SMYD3: variants seen among roughly 807,000 people sequenced by gnomAD.
SMYD3 encodes histone-lysine N-methyltransferase SMYD3.
In SMYD3, 36 loss-of-function variants were observed where a neutral mutation model predicts 57.7. The ratio of observed to expected loss-of-function variants is 0.62; its 90% confidence interval spans 0.48 to 0.82. The LOEUF is 0.82. SMYD3 is among the 40% of genes least tolerant of loss of function. The pLI, the probability that SMYD3 is intolerant of heterozygous loss-of-function variation, is 0.00. For missense variants in SMYD3, 515 were observed against 538.8 expected (o/e 0.96, Z 0.44); for synonymous variants, 211 against 195.0 (o/e 1.08, Z -0.68).
At chr1:246,263,479 T>C (rs2064049065) in intron 5 of SMYD3, among the ~76,000 whole-genome samples, 1 of 152,204 alleles carries the variant, frequency 6.6e-6, no homozygotes, top group Non-Finnish European at 1.5e-5. Flanking sequence ...AATGATCACC[T>C]TCTTTTTACT....
At chr1:246,021,087 C>T (rs2059463329) in intron 5 of SMYD3, among the ~76,000 whole-genome samples, 1 of 152,234 alleles carries the variant, frequency 6.6e-6, no homozygotes, top group South Asian at 2.1e-4. Flanking sequence ...AACGCCAATA[C>T]CAGAAACATG....
chr1:245,824,563 T>C (rs541942562), intron 10 of SMYD3, among the ~76,000 whole-genome samples: 12 of 150,096 alleles, frequency 8.0e-5, no homozygotes, highest in African/African-American at 2.7e-4. Context: ...ACTAAAAATA[T>C]AAAAATTAGC....
chr1:246,304,019 A>T (rs1234920075), intron 5 of SMYD3, among the ~76,000 whole-genome samples: 1 of 152,236 alleles, frequency 6.6e-6, no homozygotes, highest in Non-Finnish European at 1.5e-5. Context: ...TAAGTTCAGG[A>T]TATTCAATGA....
intron 1 of SMYD3, among the ~76,000 whole-genome samples, chr1:246,401,146 T>C (rs901015439): frequency 1.3e-5 from 2 of 152,152 alleles, no homozygotes; most frequent in African/African-American, 4.8e-5. Context: ...TAAAATAAAA[T>C]TTCTAGGTAA....
At chr1:246,396,691 C>A (rs1278896508) in intron 1 of SMYD3, among the ~76,000 whole-genome samples, 1 of 152,152 alleles carries the variant, frequency 6.6e-6, no homozygotes, top group Non-Finnish European at 1.5e-5. Context: ...GGGGCACATT[C>A]CCCCTTGCTG....
intron 8 of SMYD3, among the ~76,000 whole-genome samples, chr1:245,892,470 CA>C (rs1273051946): frequency 1.3e-5 from 2 of 152,338 alleles, no homozygotes; most frequent in African/African-American, 4.8e-5. Context: ...GGTTGGTCAA[CA>C]GCAGAAACCA....
chr1:245,988,902 A>T (rs888522495), intron 5 of SMYD3, among the ~76,000 whole-genome samples: 1 of 152,280 alleles, frequency 6.6e-6, no homozygotes, highest in Non-Finnish European at 1.5e-5. Context: ...CTCAGCAGCC[A>T]TTCTGCTACC....
intron 5 of SMYD3, among the ~76,000 whole-genome samples, chr1:246,258,962 G>C (rs2148516584): frequency 6.6e-6 from 1 of 152,252 alleles, no homozygotes; most frequent in South Asian, 2.1e-4. Context: ...TCAAAAGACT[G>C]ATCTTCAAGT....
Position 245,886,318 on chromosome 1 carries a change from T to C in SMYD3, c.814-22432A>G, listed in dbSNP as rs965468953. 3.3e-5 allele frequency among the ~76,000 whole-genome samples: 5 copies of C among 152,050 alleles called. 1 individual carries two copies. Among genetic ancestry groups the C allele is most frequent in the South Asian group, 2.1e-4 (1 of 4,784 alleles). ...AAGAGAAAGAGAAAGCCCACATCTC[T>C]CCTTACTTATTAGAGTTCTCGGGGT... On this transcript the variant is annotated intron_variant, in intron 8 of 11. Transcript: ENST00000490107.
At chr1:246,220,806 C>T (rs2063241889) in intron 5 of SMYD3, among the ~76,000 whole-genome samples, 1 of 152,156 alleles carries the variant, frequency 6.6e-6, no homozygotes, top group South Asian at 2.1e-4. Context: ...GTGCAAACTT[C>T]CTCCCCTCTG....
At chr1:246,315,295 T>A (rs538603428) in intron 5 of SMYD3, among the ~76,000 whole-genome samples, 1 of 152,282 alleles carries the variant, frequency 6.6e-6, no homozygotes, top group South Asian at 2.1e-4. Context: ...TAGGGGATAG[T>A]CACAGTTGTC....
chr1:246,287,766 G>T (rs766983515), intron 5 of SMYD3, among the ~76,000 whole-genome samples: 2 of 152,168 alleles, frequency 1.3e-5, no homozygotes, highest in African/African-American at 2.4e-5. Context: ...AAGACTCAGT[G>T]TTCAATTATG....
intron 5 of SMYD3, among the ~76,000 whole-genome samples, chr1:246,220,996 G>C (rs1213020314): frequency 6.6e-6 from 1 of 151,792 alleles, no homozygotes; most frequent in Non-Finnish European, 1.5e-5. Context: ...ACAGACAGAT[G>C]ATGGGACGAC....
chr1:246,200,625 G>A (rs987681881), intron 5 of SMYD3, among the ~76,000 whole-genome samples: 1 of 141,632 alleles, frequency 7.1e-6, no homozygotes, highest in Non-Finnish European at 1.5e-5. Flanking sequence ...AGAAGATAGA[G>A]GAGAACAGCG....
chr1:246,318,854 CCAA>C (rs2065205052), intron 5 of SMYD3, among the ~76,000 whole-genome samples: 1 of 152,180 alleles, frequency 6.6e-6, no homozygotes, highest in Admixed American at 6.5e-5. Context: ...ATTATCCTTC[CCAA>C]CTTCAGAAGT....
intron 10 of SMYD3, among the ~76,000 whole-genome samples, chr1:245,836,096 C>T (rs1000159200): frequency 3.3e-5 from 5 of 152,120 alleles, no homozygotes; most frequent in East Asian, 3.9e-4. Context: ...TCTCCAAGAT[C>T]GAAAAATATC....
At chr1:246,324,393 C>T (rs2065303461) in intron 5 of SMYD3, among the ~76,000 whole-genome samples, 1 of 124,710 alleles carries the variant, frequency 8.0e-6, no homozygotes, top group Non-Finnish European at 1.6e-5. Flanking sequence ...CTAGCCTGGG[C>T]GACAAGAGCG....
intron 8 of SMYD3, among the ~76,000 whole-genome samples, chr1:245,897,347 A>G (rs1426465113): frequency 6.6e-6 from 1 of 152,188 alleles, no homozygotes; most frequent in Non-Finnish European, 1.5e-5. Flanking sequence ...AAGGGGTACC[A>G]TTGTTTTCAA....
chr1:246,240,377 G>A (rs1337508666), intron 5 of SMYD3, among the ~76,000 whole-genome samples: 2 of 152,064 alleles, frequency 1.3e-5, no homozygotes, highest in Non-Finnish European at 2.9e-5. Flanking sequence ...TTTTTGTCAG[G>A]TGTGTCAAAG....
Sources: allele counts gnomAD v4.1 joint callset (sites outside exome capture counted in the v4.1 genomes callset), GRCh38; gene constraint gnomAD v4.1.1; transcripts MANE v1.5; gene names NCBI Gene and HGNC (gene_info 2026-07-23, HGNC 2026-07-21).